JUP: variants seen among roughly 807,000 people sequenced by gnomAD.
JUP encodes catenin (cadherin-associated protein), gamma 80kDa.
JUP carries 28 observed loss-of-function variants against 71.1 expected under a neutral mutation model. The observed-to-expected ratio is 0.39, with a 90% CI of 0.29 to 0.54. The LOEUF (loss-of-function observed/expected upper bound fraction) is 0.54. JUP is among the 20% of genes least tolerant of loss of function. The pLI, the probability that JUP is intolerant of heterozygous loss-of-function variation, is 0.62. For synonymous variants in JUP, 401 were observed against 438.9 expected (o/e 0.91, Z 1.08); for missense variants, 869 against 1,030.1 (o/e 0.84, Z 2.14).
rs185272597 is a variant in JUP at position 41,768,259 on chromosome 17, C to T, written c.708-679G>A. ...ACTAAAAATACAAAAATTAGCCAGG[C>T]ATGGTCGTGGGTGCCTGTAATCCCT... is the stretch of plus-strand genomic sequence containing the variant. On this transcript the variant is annotated intron_variant, in intron 4 of 13. Transcript: ENST00000393931. 2.0e-5 allele frequency among the ~76,000 whole-genome samples: 3 copies of T among 152,178 alleles called. No individual in the cohort carries two copies. The East Asian group carries it at 5.8e-4, about 29-fold the overall frequency.
chr17:41,771,361 G>T (rs1050821466), intron 2 of JUP: 1 of 513,102 alleles, frequency 1.9e-6, no homozygotes, highest in Non-Finnish European at 3.5e-6. Context: ...TTCACAGAAG[G>T]CAAGGACTAT....
intron 1 of JUP, among the ~76,000 whole-genome samples, chr17:41,783,893 C>CAAAAAA (rs35672991): frequency 3.0e-4 from 25 of 81,976 alleles, no homozygotes; most frequent in Non-Finnish European, 4.7e-4. Flanking sequence ...GACTCCATCT[C>CAAAAAA]AAAAAAAAAA....
intron 8 of JUP, among the ~76,000 whole-genome samples, chr17:41,762,452 G>A (rs1199289132): frequency 6.6e-6 from 1 of 152,076 alleles, no homozygotes; most frequent in Non-Finnish European, 1.5e-5. Flanking sequence ...GTGCACTGAT[G>A]CAATCATAGC....
chr17:41,777,625 CA>C (rs2046950198), intron 1 of JUP, among the ~76,000 whole-genome samples: 1 of 152,248 alleles, frequency 6.6e-6, no homozygotes, highest in Non-Finnish European at 1.5e-5. Context: ...AGCTGTCAGA[CA>C]AGCTGGTCTT....
intron 1 of JUP, chr17:41,784,973 G>C: frequency 7.3e-6 from 1 of 136,460 alleles, no homozygotes; most frequent in East Asian, 1.9e-4. Flanking sequence ...AATTCTGGGT[G>C]GGGGGGGGCG....
intron 12 of JUP, among the ~76,000 whole-genome samples, chr17:41,756,627 A>G (rs575490800): frequency 1.7e-4 from 26 of 150,576 alleles, no homozygotes; most frequent in East Asian, 1.6e-3. Context: ...GGCTGGGCGC[A>G]GTGGCTCACG....
At position 41,766,057 on chromosome 17, in the gene JUP, A is replaced by C. The variant is rs145511452; in HGVS notation, c.910-990T>G. On this transcript the variant is annotated intron_variant, in intron 5 of 13. Transcript: ENST00000393931. ...ATTCCTTGAGGGTAGCCTGGGCAAC[A>C]GAGCAAGACACCATCCCCACAAAAA... 1.5e-4 allele frequency among the ~76,000 whole-genome samples: 23 copies of C among 152,292 alleles called. No individual in the cohort carries two copies. In the East Asian group the frequency reaches 4.4e-3, roughly 29 times the overall value.
intron 10 of JUP, 156 bp downstream of exon 10, chr17:41,758,243 G>A (rs1555599264): frequency 2.5e-6 from 2 of 807,722 alleles, no homozygotes; most frequent in Non-Finnish European, 2.0e-6. Flanking sequence ...CCCATGCAGG[G>A]GGTTGCTAAG....
At chr17:41,758,927 G>A in intron 8 of JUP, 57 bp from the exon 9 acceptor site, 1 of 1,530,442 alleles carries the variant, frequency 6.5e-7, no homozygotes, top group Non-Finnish European at 8.8e-7. Context: ...AAGGATCCCA[G>A]CTTCCCAGCT....
rs181324712 is a variant in JUP, at chr17:41,773,091, G to C, written c.-8-1229C>G. ...ATGGCAGAGCTGGGACTGGGACCAG[G>C]TGTGAGGGCACCAAGGTCTGTAGTC... On this transcript the variant is annotated intron_variant, in intron 1 of 13. Transcript: ENST00000393931. 1.5e-4 allele frequency: 101 copies of C among 692,918 alleles called. 2 individuals carry two copies. The African/African-American group carries it at 1.6e-3, about 11-fold the overall frequency. The allele number at this position is 692,918 out of a possible 1,614,324, so 42.9% of individuals were successfully genotyped here. A position where few individuals can be genotyped will look rare whatever the true frequency, so the allele number is the denominator to read the frequency against.
At chr17:41,759,761 TG>T (rs1328510698) in intron 8 of JUP, among the ~76,000 whole-genome samples, 1 of 152,052 alleles carries the variant, frequency 6.6e-6, no homozygotes, top group Non-Finnish European at 1.5e-5. Flanking sequence ...TCATGTGAGA[TG>T]GGGACGTGAG....
intron 1 of JUP, among the ~76,000 whole-genome samples, chr17:41,783,912 AAAAAAG>A (rs2047314125): frequency 6.6e-6 from 1 of 151,414 alleles, no homozygotes; most frequent in African/African-American, 2.4e-5. Context: ...AAAAAAAAAA[AAAAAAG>A]AAAGTGCTTG....
chr17:41,773,861 C>G (rs1320951928), intron 1 of JUP, among the ~76,000 whole-genome samples: 1 of 152,232 alleles, frequency 6.6e-6, no homozygotes, highest in Non-Finnish European at 1.5e-5. Context: ...AAGGAAGGTG[C>G]AAGTGTACAA....
In JUP at chr17:41,765,777, T is replaced by A. The variant is rs74619189; in HGVS notation, c.910-710A>T. The stretch of plus-strand genomic sequence containing the variant: ...TACCAGTTATGGCACTGGAAATTAG[T>A]CCAGTCCTTCTGGAAATCAATCTGG... On this transcript the variant is annotated intron_variant, in intron 5 of 13. Coordinates refer to ENST00000393931, the MANE Select transcript of JUP (RefSeq NM_002230.4). Among the ~76,000 whole-genome samples the A allele has an allele frequency of 1.2e-3, 188 of 152,346 alleles. 2 individuals carry two copies. The East Asian group carries it at 0.033, about 27-fold the overall frequency.
chr17:41,768,044 C>A (rs1300820575), intron 4 of JUP, among the ~76,000 whole-genome samples: 1 of 152,086 alleles, frequency 6.6e-6, no homozygotes, highest in African/African-American at 2.4e-5. Context: ...AGGTGGATCA[C>A]CCTGAGGTTA....
chr17:41,758,357 A>G lies in JUP; in HGVS notation c.1773+42T>C, dbSNP rs781952149. 3.7e-6 allele frequency: 6 copies of G among 1,611,202 alleles called. No individual in the cohort carries two copies. In the Admixed American group the frequency reaches 1.0e-4, roughly 27 times the overall value. The stretch of plus-strand genomic sequence containing the variant: ...GGACTCCTAACCTTGCCCTTTAAGC[A>G]GTGGTGGGGGGACCTCTCCTGCCCA... On this transcript the variant is annotated intron_variant, in intron 10 of 13. Coordinates refer to ENST00000393931, the MANE Select transcript of JUP (RefSeq NM_002230.4).
In JUP at chr17:41,783,294, GTT is replaced by G. The variant is rs34800389; in HGVS notation, c.-9+3292_-9+3293del. Among the ~76,000 whole-genome samples the G allele has an allele frequency of 8.2e-3, 882 of 106,924 alleles. 4 individuals carry two copies. Among genetic ancestry groups the G allele is most frequent in the African/African-American group, 0.025 (748 of 30,518 alleles). The allele number at this position is 106,924 out of a possible 152,430, so 70.1% of individuals were successfully genotyped here. A position where few individuals can be genotyped will look rare whatever the true frequency, so the allele number is the denominator to read the frequency against. ...GCGAATAATGATACGCGTTTTTTTT[GTT>G]TTTTTTTTTTTTTTGAGTCAGGGAC... On this transcript the variant is annotated intron_variant, in intron 1 of 13. Transcript: ENST00000393931.
intron 1 of JUP, among the ~76,000 whole-genome samples, chr17:41,783,655 T>G (rs1013778961): frequency 8.6e-5 from 13 of 151,492 alleles, no homozygotes; most frequent in African/African-American, 3.2e-4. Flanking sequence ...GTGAGGTGGC[T>G]CACGCCTGTA....
At chr17:41,771,916 C>G (rs1916720747) in intron 1 of JUP, 54 bp from the exon 2 acceptor site, 1 of 1,445,128 alleles carries the variant, frequency 6.9e-7, no homozygotes, top group Admixed American at 2.0e-5. Context: ...GCCCAGCCCC[C>G]AGCTTCAGCC....
Sources: allele counts gnomAD v4.1 joint callset (sites outside exome capture counted in the v4.1 genomes callset), GRCh38; gene constraint gnomAD v4.1.1; transcripts MANE v1.5; gene names NCBI Gene and HGNC (gene_info 2026-07-23, HGNC 2026-07-21).